PAX2: variants seen among roughly 807,000 people sequenced by gnomAD.
The protein encoded by PAX2 is paired box protein Pax-2.
PAX2 carries 9 observed loss-of-function variants against 41.7 expected under a neutral mutation model. That is an observed-to-expected ratio of 0.22 (90% CI 0.13 to 0.38). The LOEUF (loss-of-function observed/expected upper bound fraction) is 0.38, where lower values mean the gene tolerates loss of function less well. Ranked by LOEUF, PAX2 falls within the 10% of genes least tolerant of loss-of-function variation. The pLI is 1.00. For synonymous variants in PAX2, 221 were observed against 212.7 expected, an observed-to-expected ratio of 1.04 and a Z score of -0.34; for missense variants, 418 against 531.6, an observed-to-expected ratio of 0.79 and a Z score of 2.10.
rs914931133 is a variant in PAX2, at chr10:100,827,810, G to A, written c.*191G>A. Reference sequence around the variant, plus strand: ...CCCTCGAAGGTCGGACAGGACGGGTGGAGCCGTGGGCGGGACCCTCAGGCC... The same window carrying A: ...CCCTCGAAGGTCGGACAGGACGGGTAGAGCCGTGGGCGGGACCCTCAGGCC... On this transcript the variant is annotated 3_prime_UTR_variant, in exon 10 of 10. Transcript: ENST00000355243. The surrounding 1 kb of genome is among the most constrained non-coding windows in gnomAD (Gnocchi z 8.5). 2.8e-5 allele frequency: 23 copies of A among 829,646 alleles called. No individual in the cohort carries two copies. In the African/African-American group the frequency reaches 3.6e-4, roughly 13 times the overall value. 51.4% of individuals were successfully genotyped at this position (829,646 alleles called of 1,614,324 possible).
intron 1 of PAX2, among the ~76,000 whole-genome samples, chr10:100,738,704 T>G (rs976363637): frequency 6.6e-6 from 1 of 152,192 alleles, no homozygotes; most frequent in African/African-American, 2.4e-5. Flanking sequence ...CTGAGGGATT[T>G]TTTTCTTTCC....
chr10:100,799,313 G>A (rs1210383339), intron 5 of PAX2, among the ~76,000 whole-genome samples: 1 of 152,214 alleles, frequency 6.6e-6, no homozygotes, highest in Admixed American at 6.5e-5. Flanking sequence ...TGAAGACTCA[G>A]TTTTCCCAAG....
chr10:100,745,164 A>G (rs1845103748), upstream of PAX2, among the ~76,000 whole-genome samples: 1 of 152,166 alleles, frequency 6.6e-6, no homozygotes, highest in Non-Finnish European at 1.5e-5. Flanking sequence ...CCGGCTTCAC[A>G]GCGCAGCGCG....
intron 3 of PAX2, among the ~76,000 whole-genome samples, chr10:100,759,105 C>T (rs184148405): frequency 7.3e-4 from 111 of 152,204 alleles, no homozygotes; most frequent in African/African-American, 2.4e-3. Context: ...CGGCAGAGCC[C>T]GCAAGGGGAG....
chr10:100,749,474 T>A (rs985091455), intron 1 of PAX2: 6 of 1,288,496 alleles, frequency 4.7e-6, no homozygotes, highest in Non-Finnish European at 5.9e-6. Flanking sequence ...TTCTGTCATC[T>A]GGTTTCTCTC....
At chr10:100,752,635 T>C (rs1564708124) in intron 3 of PAX2, among the ~76,000 whole-genome samples, 1 of 152,202 alleles carries the variant, frequency 6.6e-6, no homozygotes, top group African/African-American at 2.4e-5. Flanking sequence ...GAAATGCTTG[T>C]TGTCAGTAAC....
intron 3 of PAX2, among the ~76,000 whole-genome samples, chr10:100,759,151 G>A (rs1239062975): frequency 6.6e-6 from 1 of 152,180 alleles, no homozygotes; most frequent in African/African-American, 2.4e-5. Context: ...GCCTTCAGTG[G>A]CCCTGCAAGG....
chr10:100,815,209 C>A (rs1848147104), intron 7 of PAX2, among the ~76,000 whole-genome samples: 1 of 152,206 alleles, frequency 6.6e-6, no homozygotes, highest in Admixed American at 6.5e-5. Context: ...AACAGCTTAG[C>A]CCTTGGCCAG....
intron 3 of PAX2, among the ~76,000 whole-genome samples, chr10:100,770,304 G>T (rs1215177674): frequency 2.0e-5 from 3 of 152,158 alleles, no homozygotes; most frequent in African/African-American, 7.2e-5. Flanking sequence ...ATATCAAGCA[G>T]TCTTCAAGCC....
intron 7 of PAX2, among the ~76,000 whole-genome samples, chr10:100,810,200 G>A (rs1453103634): frequency 1.3e-5 from 2 of 152,214 alleles, no homozygotes; most frequent in African/African-American, 2.4e-5. Flanking sequence ...GGGCTGCAGA[G>A]CCAGCGGCAA....
chr10:100,745,913 G>A lies in PAX2; in HGVS notation c.-348G>A. The A allele has an allele frequency of 8.5e-7, 1 of 1,177,572 alleles. No homozygotes were observed. 72.9% of individuals were successfully genotyped at this position (1,177,572 alleles called of 1,614,324 possible). ...AGGTTCCAGGGGAGCTGAGCGAGTC[G>A]CCTCCCCCGCCCAGCTTCAGCCCTG... On this transcript the variant is annotated 5_prime_UTR_variant, in exon 1 of 10. Coordinates refer to ENST00000355243, the MANE Select transcript of PAX2 (RefSeq NM_000278.5).
intron 5 of PAX2, among the ~76,000 whole-genome samples, chr10:100,790,008 C>T (rs1355734957): frequency 1.3e-5 from 2 of 152,106 alleles, no homozygotes; most frequent in African/African-American, 4.8e-5. Context: ...TGTGGATCAA[C>T]ATAGGTGCAT....
chr10:100,781,554 C>T (rs1846627113), intron 5 of PAX2, among the ~76,000 whole-genome samples, 189 bp downstream of exon 5: 1 of 152,210 alleles, frequency 6.6e-6, no homozygotes, highest in Non-Finnish European at 1.5e-5. Flanking sequence ...CCATCAGCTT[C>T]ACCATCTGCT....
At chr10:100,769,340 A>G (rs1251673343) in intron 3 of PAX2, among the ~76,000 whole-genome samples, 4 of 152,182 alleles carry the variant, frequency 2.6e-5, no homozygotes, top group African/African-American at 9.7e-5. Flanking sequence ...TGTCATTGTT[A>G]TTATTGGCCA....
At chr10:100,756,414 A>G (rs1206514002) in intron 3 of PAX2, among the ~76,000 whole-genome samples, 1 of 152,238 alleles carries the variant, frequency 6.6e-6, no homozygotes, top group Non-Finnish European at 1.5e-5. Context: ...ACAATGGTGT[A>G]AAAGTGACAA....
intron 5 of PAX2, 78 bp downstream of exon 5, chr10:100,781,443 C>T: frequency 1.4e-6 from 2 of 1,439,350 alleles, no homozygotes; most frequent in Non-Finnish European, 2.0e-6. Context: ...TCGGCCTGGC[C>T]TCGCAGCTGC....
chr10:100,739,026 C>CACACACAT (rs966405001), intron 1 of PAX2, among the ~76,000 whole-genome samples: 1 of 150,752 alleles, frequency 6.6e-6, no homozygotes, highest in Non-Finnish European at 1.5e-5. Flanking sequence ...CACACACACA[C>CACACACAT]ACACACACAC....
At chr10:100,754,496 T>G (rs1285010363) in intron 3 of PAX2, among the ~76,000 whole-genome samples, 1 of 152,234 alleles carries the variant, frequency 6.6e-6, no homozygotes, top group Non-Finnish European at 1.5e-5. Flanking sequence ...TCTTAGCCTG[T>G]TAGGCTCTAG....
intron 7 of PAX2, among the ~76,000 whole-genome samples, chr10:100,815,685 T>G (rs983046625): frequency 2.0e-5 from 3 of 152,238 alleles, no homozygotes; most frequent in African/African-American, 7.2e-5. Context: ...CCTTCCTCCT[T>G]TATCCAGTCC....
Sources: allele counts gnomAD v4.1 joint callset (sites outside exome capture counted in the v4.1 genomes callset), GRCh38; gene constraint gnomAD v4.1.1; non-coding constraint Gnocchi (gnomAD v3.1); transcripts MANE v1.5; gene names NCBI Gene and HGNC (gene_info 2026-07-23, HGNC 2026-07-21).